The following PCDHGB4 variants were observed in gnomAD, a reference collection of about 807,000 sequenced individuals.
The protein encoded by PCDHGB4 is protocadherin gamma subfamily B, 4.
A neutral mutation model predicts 60.5 loss-of-function variants in PCDHGB4; 38 were observed. The ratio of observed to expected loss-of-function variants is 0.63; its 90% CI spans 0.48 to 0.82. The LOEUF (loss-of-function observed/expected upper bound fraction) is 0.82. PCDHGB4 is among the 40% of genes least tolerant of loss of function. The pLI, the probability that PCDHGB4 is intolerant of heterozygous loss-of-function variation, is 0.00. For synonymous variants in PCDHGB4, 456 were observed against 509.7 expected, an observed-to-expected ratio of 0.89 and a Z score of 1.42; for missense variants, 1,109 against 1,209.6, an observed-to-expected ratio of 0.92 and a Z score of 1.23.
At position 141,394,517 on chromosome 5, in the gene PCDHGB4, C is replaced by T. The variant is rs1226195225; in HGVS notation, c.2397+4236C>T. On this transcript the variant is annotated intron_variant, in intron 1 of 3. Transcript: ENST00000519479. ...CCGAGATCCTGTACCCCGCCCTCCC[C>T]ACAGACGGTTCCACTGGCGTGGAGC... 5 of 1,614,116 alleles carry T rather than the reference C, an allele frequency of 3.1e-6. No individual in the cohort carries two copies. The Admixed American group carries it at 5.0e-5, about 16-fold the overall frequency.
At chr5:141,505,028 G>A (rs2099842951) in intron 2 of PCDHGB4, among the ~76,000 whole-genome samples, 1 of 152,164 alleles carries the variant, frequency 6.6e-6, no homozygotes, top group Admixed American at 6.5e-5. Flanking sequence ...CTGGCACAGT[G>A]GCAGGTGCCT....
At position 141,431,641 on chromosome 5, in the gene PCDHGB4, A is replaced by G. The variant is rs772686680; in HGVS notation, c.2397+41360A>G. ...ACAAGGCGGCCCAAGTTTTCAAACT[A>G]GATTGTAATTCAGGGACAATATCAA... is the stretch of plus-strand genomic sequence containing the variant. On this transcript the variant is annotated intron_variant, in intron 1 of 3. Coordinates refer to ENST00000519479, the MANE Select transcript of PCDHGB4 (RefSeq NM_003736.4). This position sits in a 1 kb window ranked among gnomAD's most constrained non-coding sequence, Gnocchi z 4.8. The G allele has an allele frequency of 6.2e-7, 1 of 1,614,270 alleles. No individual in the cohort carries two copies. Among genetic ancestry groups the G allele is most frequent in the South Asian group, 1.1e-5 (1 of 91,092 alleles).
At chr5:141,450,297 G>A (rs1414677718) in intron 1 of PCDHGB4, among the ~76,000 whole-genome samples, 3 of 151,838 alleles carry the variant, frequency 2.0e-5, no homozygotes, top group Non-Finnish European at 4.4e-5. Context: ...ACAGGCGTGA[G>A]CCACCATGTG....
chr5:141,423,078 C>T (rs752144906), intron 1 of PCDHGB4: 2 of 1,614,108 alleles, frequency 1.2e-6, no homozygotes, highest in Non-Finnish European at 1.7e-6. Context: ...AGCCGGGACT[C>T]TTCGCGGTGG....
chr5:141,473,974 C>T (rs958240236), intron 1 of PCDHGB4, among the ~76,000 whole-genome samples: 12 of 152,172 alleles, frequency 7.9e-5, no homozygotes, highest in Admixed American at 1.3e-4. Flanking sequence ...AAGTCTGAGG[C>T]GGGAGGATCC....
intron 2 of PCDHGB4, among the ~76,000 whole-genome samples, chr5:141,501,015 C>T (rs950216755): frequency 6.6e-5 from 10 of 151,866 alleles, no homozygotes; most frequent in African/African-American, 2.4e-4. Context: ...ACTACAGGCA[C>T]GCGCCACCAC....
intron 1 of PCDHGB4, chr5:141,408,226 G>T (rs909432449): frequency 2.1e-5 from 33 of 1,562,288 alleles, no homozygotes; most frequent in Admixed American, 3.9e-5. Flanking sequence ...GCGCGCAGAG[G>T]CGCCGGGCCG....
intron 1 of PCDHGB4, chr5:141,408,741 T>C: frequency 6.2e-7 from 1 of 1,610,092 alleles, no homozygotes; most frequent in Non-Finnish European, 8.5e-7. Context: ...TATTTTTCAT[T>C]AATGGTTAGA....
At chr5:141,494,161 T>G (rs1420295862) in intron 1 of PCDHGB4, among the ~76,000 whole-genome samples, 3 of 152,052 alleles carry the variant, frequency 2.0e-5, no homozygotes, top group African/African-American at 7.3e-5. Flanking sequence ...TGGCACGGAG[T>G]TCTAGGGGTG....
rs2099085120 is a variant in PCDHGB4, at chr5:141,464,455, T to C, written c.2398-30352T>C. Among the ~76,000 whole-genome samples, 2 of 151,794 alleles carry C rather than the reference T, an allele frequency of 1.3e-5. 1 individual carries two copies. Among genetic ancestry groups the C allele is most frequent in the Non-Finnish European group, 2.9e-5 (2 of 67,958 alleles). On this transcript the variant is annotated intron_variant, in intron 1 of 3. Coordinates refer to ENST00000519479, the MANE Select transcript of PCDHGB4 (RefSeq NM_003736.4). ...TATATGTTTGTTGTTGTTGTTGTTA[T>C]TTTTGAAGTATGTACGTATAATAAA...
Position 141,489,533 on chromosome 5 carries a change from C to G in PCDHGB4, c.2398-5274C>G, listed in dbSNP as rs754586925. The G allele has an allele frequency of 6.2e-7, 1 of 1,614,086 alleles. No individual in the cohort carries two copies. The highest frequency in any genetic ancestry group is 1.7e-5 in the Admixed American group (1 of 60,030). ...ATTGACCGAGAAAGCCTATGTGGAG[C>G]CAGCACCAGCTGCCTGCTGCCAGTG... On this transcript the variant is annotated intron_variant, in intron 1 of 3. Coordinates refer to ENST00000519479, the MANE Select transcript of PCDHGB4 (RefSeq NM_003736.4). The surrounding 1 kb of genome is among the most constrained non-coding windows in gnomAD (Gnocchi z 4.5).
Position 141,511,344 on chromosome 5 carries a change from T to G in PCDHGB4, c.*171T>G, listed in dbSNP as rs2099883730. 3 of 1,419,052 alleles carry G rather than the reference T, an allele frequency of 2.1e-6. No homozygotes were observed. Among genetic ancestry groups the G allele is most frequent in the Non-Finnish European group, 2.8e-6 (3 of 1,067,404 alleles). 87.9% of individuals were successfully genotyped at this position (1,419,052 alleles called of 1,614,324 possible). On this transcript the variant is annotated 3_prime_UTR_variant, in exon 4 of 4. Coordinates refer to ENST00000519479, the MANE Select transcript of PCDHGB4 (RefSeq NM_003736.4). The stretch of plus-strand genomic sequence containing the variant: ...CAAGTGCCCAGTCAGCACCTACCCC[T>G]TCCCCCCCAGGGGGTTGAATATGCA...
chr5:141,456,434 G>A (rs1418917805), intron 1 of PCDHGB4, among the ~76,000 whole-genome samples: 1 of 152,108 alleles, frequency 6.6e-6, no homozygotes, highest in Non-Finnish European at 1.5e-5. Flanking sequence ...TTATAGTATT[G>A]AGTATACAGA....
intron 1 of PCDHGB4, among the ~76,000 whole-genome samples, chr5:141,474,227 G>A (rs1394834744): frequency 6.6e-6 from 1 of 152,190 alleles, no homozygotes; most frequent in Non-Finnish European, 1.5e-5. Flanking sequence ...TGTGAATTAA[G>A]TGATGCTGAA....
chr5:141,395,101 C>A (rs1197761808), intron 1 of PCDHGB4: 2 of 1,614,164 alleles, frequency 1.2e-6, no homozygotes, highest in East Asian at 4.5e-5. Context: ...ACCGCCGACT[C>A]GCGGAAGAGT....
chr5:141,472,980 C>CAAAAAAAAAAAAAAAAAAAAAAAAAAAA (rs60579131), intron 1 of PCDHGB4, among the ~76,000 whole-genome samples: 1 of 86,106 alleles, frequency 1.2e-5, no homozygotes, highest in Non-Finnish European at 2.5e-5. Flanking sequence ...GAGTGAAACT[C>CAAAAAAAAAAAAAAAAAAAAAAAAAAAA]AAAAAAAAAA....
Position 141,387,763 on chromosome 5 carries a change from A to T in PCDHGB4, c.-122A>T. ...ACCGCTTCCTCCTCGGAAAAAGAAG[A>T]ATTTTTTCTTGAACTGGAACTGCAA... On this transcript the variant is annotated 5_prime_UTR_variant, in exon 1 of 4. Transcript: ENST00000519479. 2 of 1,425,584 alleles carry T rather than the reference A, an allele frequency of 1.4e-6. No individual in the cohort carries two copies. Among genetic ancestry groups the T allele is most frequent in the South Asian group, 1.5e-5 (1 of 67,926 alleles). The allele number at this position is 1,425,584 out of a possible 1,614,324, so 88.3% of individuals were successfully genotyped here. A position where few individuals can be genotyped will look rare whatever the true frequency, so the allele number is the denominator to read the frequency against.
chr5:141,426,086 G>A (rs751467304), intron 1 of PCDHGB4, among the ~76,000 whole-genome samples: 5 of 152,218 alleles, frequency 3.3e-5, no homozygotes, highest in Non-Finnish European at 7.3e-5. Context: ...CTACCAGGAC[G>A]ATATTCTGTT....
Position 141,390,107 on chromosome 5 carries a change from C to G in PCDHGB4, c.2223C>G (p.Tyr741Ter), listed in dbSNP as rs778685705. Residue 741 changes from tyrosine to a stop codon, truncating the protein, a stop_gained, in exon 1 of 4, where the codon TAC becomes TAG. Coordinates refer to ENST00000519479, the MANE Select transcript of PCDHGB4 (RefSeq NM_003736.4). LOFTEE classifies it high-confidence loss of function. ...VKSESVVPPN[Y>*]SEGTLPYSYN... is the part of the protein sequence containing the mutation. The stretch of plus-strand genomic sequence containing the variant: ...CCGAATCCGTGGTTCCCCCCAACTA[C>G]AGCGAGGGGACTTTGCCTTATTCCT... 1.2e-5 allele frequency: 19 copies of G among 1,614,066 alleles called. No individual in the cohort carries two copies. The highest frequency in any genetic ancestry group is 1.6e-5 in the Non-Finnish European group (19 of 1,179,892).
Sources: allele counts gnomAD v4.1 joint callset (sites outside exome capture counted in the v4.1 genomes callset), GRCh38; gene constraint gnomAD v4.1.1; non-coding constraint Gnocchi (gnomAD v3.1); transcripts MANE v1.5; gene names NCBI Gene and HGNC (gene_info 2026-07-23, HGNC 2026-07-21).